The following SMAD4 variants were observed in gnomAD, a reference collection of about 807,000 sequenced individuals.
SMAD4 encodes SMAD family member 4.
A neutral mutation model predicts 63.2 loss-of-function variants in SMAD4; 7 were observed. That is an observed-to-expected ratio of 0.11 (90% CI 0.06 to 0.21). The LOEUF (loss-of-function observed/expected upper bound fraction) is 0.21. SMAD4 is among the 10% of genes least tolerant of loss of function. SMAD4 has a pLI of 1.00. For synonymous variants in SMAD4, 215 were observed against 235.4 expected (o/e 0.91, Z 0.79); for missense variants, 312 against 693.8 (o/e 0.45, Z 6.18).
intron 10 of SMAD4, among the ~76,000 whole-genome samples, chr18:51,075,156 A>G (rs1910440707): frequency 6.6e-6 from 1 of 152,200 alleles, no homozygotes; most frequent in African/African-American, 2.4e-5. Context: ...TTTTTGAGGA[A>G]ATGGACACTG....
In SMAD4 at chr18:51,082,029, C is replaced by A. The variant is rs1350892523; in HGVS notation, c.*3562C>A. On this transcript the variant is annotated 3_prime_UTR_variant, in exon 12 of 12. Transcript: ENST00000342988. ...TTTATTCTCTGAGTGGAACAGAGTT[C>A]TTTTTGTTGATAATTTCTAGTTTGC... 8.6e-6 allele frequency: 2 copies of A among 231,410 alleles called. No individual in the cohort carries two copies. Among genetic ancestry groups the A allele is most frequent in the East Asian group, 1.2e-4 (2 of 16,272 alleles). The allele number at this position is 231,410 out of a possible 1,614,324, so 14.3% of individuals were successfully genotyped here.
At chr18:51,056,175 G>A (rs747085487) in intron 5 of SMAD4, among the ~76,000 whole-genome samples, 1 of 152,104 alleles carries the variant, frequency 6.6e-6, no homozygotes, top group Non-Finnish European at 1.5e-5. Flanking sequence ...GACAAACAGT[G>A]GGTAGTGATA....
chr18:51,046,000 A>G (rs1168668560), intron 1 of SMAD4, among the ~76,000 whole-genome samples: 1 of 152,152 alleles, frequency 6.6e-6, no homozygotes, highest in East Asian at 1.9e-4. Flanking sequence ...ATTTCGTTGT[A>G]TGGAATTTTA....
chr18:51,058,079 A>T (rs1220773279), intron 5 of SMAD4, 46 bp from the exon 6 acceptor site: 1 of 1,609,386 alleles, frequency 6.2e-7, no homozygotes, highest in African/African-American at 1.3e-5. Context: ...AAATCATAAG[A>T]TGACATCTAT....
At chr18:51,059,777 T>A (rs1909955359) in intron 7 of SMAD4, 89 bp from the exon 8 acceptor site, 1 of 939,180 alleles carries the variant, frequency 1.1e-6, no homozygotes, top group Admixed American at 1.8e-5. Flanking sequence ...TAACCTATAA[T>A]AGTTATATTT....
rs1266383179 is a variant in SMAD4 at position 51,065,624 on chromosome 18, A to C, written c.1139+18A>C. The C allele has an allele frequency of 2.5e-6, 4 of 1,606,354 alleles. No homozygotes were observed. The South Asian group carries it at 4.4e-5, about 18-fold the overall frequency. On this transcript the variant is annotated intron_variant, in intron 9 of 11. Transcript: ENST00000342988. ...AGAGCAAGGTATTGATTGTATAGTC[A>C]GATAGTTACTTTAAAAAATTGAGCA...
intron 8 of SMAD4, among the ~76,000 whole-genome samples, chr18:51,063,401 G>A (rs918391170): frequency 3.9e-5 from 6 of 151,910 alleles, no homozygotes; most frequent in African/African-American, 1.4e-4. Flanking sequence ...ATTTTCTATA[G>A]ACAATATATA....
rs761937143 is a variant in SMAD4, at chr18:51,047,229, A to T, written c.183A>T (p.Ile61=). The part of the protein sequence containing the change: ...KDELDSLITA[I]TTNGAHPSKC... The stretch of plus-strand genomic sequence containing the variant: ...AATTGGATTCTTTAATAACAGCTAT[A>T]ACTACAAATGGAGCTCATCCTAGTA... Residue 61 remains isoleucine, a synonymous_variant, in exon 2 of 12, where the codon ATA becomes ATT. Transcript: ENST00000342988. 6.2e-7 allele frequency: 1 copy of T among 1,613,642 alleles called. No individual in the cohort carries two copies.
intron 4 of SMAD4, chr18:51,053,256 T>G (rs1909754917): frequency 1.3e-5 from 2 of 152,124 alleles, no homozygotes; most frequent in African/African-American, 2.4e-5. Flanking sequence ...CCAGTCATTA[T>G]AACAACAAAA....
chr18:51,058,557 G>A (rs924718372), intron 7 of SMAD4, 101 bp downstream of exon 7: 7 of 815,926 alleles, frequency 8.6e-6, no homozygotes, highest in Non-Finnish European at 1.4e-5. Flanking sequence ...TATTCATCCT[G>A]TGATTTTGTT....
At chr18:51,030,944 C>G (rs947234881) in intron 1 of SMAD4, among the ~76,000 whole-genome samples, 1 of 152,152 alleles carries the variant, frequency 6.6e-6, no homozygotes, top group Non-Finnish European at 1.5e-5. Context: ...ACGGTCGCCC[C>G]GGCTGAGCGC....
chr18:51,078,760 A>T lies in SMAD4; in HGVS notation c.*293A>T. 2.5e-6 allele frequency: 1 copy of T among 397,158 alleles called. No individual in the cohort carries two copies. The highest frequency in any genetic ancestry group is 4.6e-6 in the Non-Finnish European group (1 of 219,532). 24.6% of individuals were successfully genotyped at this position (397,158 alleles called of 1,614,324 possible). ...GAATCATTCCAGTGCTAGAAAATTT[A>T]GCCCTTTAAAACGTCTTAGAGCCTT... is the stretch of plus-strand genomic sequence containing the variant. On this transcript the variant is annotated 3_prime_UTR_variant, in exon 12 of 12. Coordinates refer to ENST00000342988, the MANE Select transcript of SMAD4 (RefSeq NM_005359.6).
At chr18:51,074,255 C>T (rs904810102) in intron 10 of SMAD4, among the ~76,000 whole-genome samples, 1 of 151,300 alleles carries the variant, frequency 6.6e-6, no homozygotes, top group African/African-American at 2.4e-5. Context: ...GTGGCATGTG[C>T]CTGTAGTCCT....
At chr18:51,071,800 C>G (rs1238423964) in intron 10 of SMAD4, among the ~76,000 whole-genome samples, 1 of 152,184 alleles carries the variant, frequency 6.6e-6, no homozygotes, top group African/African-American at 2.4e-5. Flanking sequence ...TCCATTAGCT[C>G]TAGACAACCA....
chr18:51,033,386 C>T (rs936000614), intron 1 of SMAD4, among the ~76,000 whole-genome samples: 5 of 152,142 alleles, frequency 3.3e-5, no homozygotes, highest in African/African-American at 9.7e-5. Context: ...GACGAGGTTT[C>T]GCCATGTTGG....
In SMAD4 at chr18:51,048,845, G is replaced by A. The variant is rs1909623079; in HGVS notation, c.409G>A (p.Val137Ile). ...GAATCCATATCACTACGAACGAGTT[G>A]TATCACCTGGAATTGGTAAGTAGAC... The part of the protein sequence containing the change: ...CVNPYHYERV[V>I]SPGIDLSGLT... The change falls in exon 3 of 12, where the codon GTA (valine) becomes ATA (isoleucine). Residue 137 changes from valine to isoleucine, a missense_variant. Val to Ile is a conservative substitution (Grantham distance 29, BLOSUM62 3). This residue lies in a region of SMAD4 where 14 missense variants were observed against 89.6 expected (regional missense o/e 0.16). Transcript: ENST00000342988. The A allele has an allele frequency of 1.2e-6, 2 of 1,613,634 alleles. No individual in the cohort carries two copies. The highest frequency in any genetic ancestry group is 1.7e-6 in the Non-Finnish European group (2 of 1,179,720).
At chr18:51,045,517 A>C (rs1322842961) in intron 1 of SMAD4, among the ~76,000 whole-genome samples, 3 of 152,076 alleles carry the variant, frequency 2.0e-5, no homozygotes, top group African/African-American at 2.4e-5. Context: ...TGTTGAATGG[A>C]TTCTTTATTA....
intron 4 of SMAD4, chr18:51,053,342 G>T (rs900708001): frequency 2.0e-5 from 3 of 152,106 alleles, no homozygotes; most frequent in Admixed American, 6.6e-5. Flanking sequence ...TTGTTGAAGG[G>T]TGTAATATAA....
intron 1 of SMAD4, among the ~76,000 whole-genome samples, 185 bp downstream of exon 1, chr18:51,030,808 C>T (rs1347029752): frequency 2.0e-5 from 3 of 151,602 alleles, no homozygotes; most frequent in East Asian, 2.0e-4. Context: ...CGGCTGAATG[C>T]CGGGCGGCGG....
Sources: allele counts gnomAD v4.1 joint callset (sites outside exome capture counted in the v4.1 genomes callset), GRCh38; gene constraint gnomAD v4.1.1; regional missense constraint gnomAD v4.1.1; transcripts MANE v1.5; gene names NCBI Gene and HGNC (gene_info 2026-07-23, HGNC 2026-07-21).